CLN3: variants seen among roughly 807,000 people sequenced by gnomAD.
The protein encoded by CLN3 is CLN3 lysosomal/endosomal transmembrane protein, battenin.
A neutral mutation model predicts 60.7 loss-of-function variants in CLN3; 49 were observed. That is an observed-to-expected ratio of 0.81 (90% confidence interval 0.64 to 1.02). The LOEUF (loss-of-function observed/expected upper bound fraction) is 1.02. CLN3 is among the 50% of genes least tolerant of loss of function. CLN3 has a pLI of 0.00. For missense variants in CLN3, 516 were observed against 557.4 expected, an observed-to-expected ratio of 0.93 and a Z score of 0.75; for synonymous variants, 256 against 245.8, an observed-to-expected ratio of 1.04 and a Z score of -0.39.
rs761453819 is a variant in CLN3 at position 28,491,499 on chromosome 16, C to T, written c.108G>A (p.Lys36=). 4 of 1,613,710 alleles carry T rather than the reference C, an allele frequency of 2.5e-6. No homozygotes were observed. The East Asian group carries it at 6.7e-5, about 27-fold the overall frequency. ...CCACTCACCAGAAGCCCACCGCGTT[C>T]TTCCAATGCGCGCCCTGATGGTCCA... ...PLLDHQGAHW[K]NAVGFWLLGL... The change falls in exon 3 of 16, where the codon AAG becomes AAA. Residue 36 remains lysine, a synonymous_variant. Transcript: ENST00000636147.
rs756062000 is a variant in CLN3, at chr16:28,491,752, C to T, written c.8G>A (p.Gly3Asp). MG[G>D]CAGSRRRFSD... is the part of the protein sequence containing the mutation. ...AAAGCGCCGCCGCGAGCCTGCACAG[C>T]CTCCCATCGCATCAAGTTCAGGTCC... The change falls in exon 2 of 16, where the codon GGC becomes GAC. Residue 3 changes from glycine to aspartate, a missense_variant. Coordinates refer to ENST00000636147, the MANE Select transcript of CLN3 (RefSeq NM_001042432.2). 3 of 1,613,948 alleles carry T rather than the reference C, an allele frequency of 1.9e-6. No individual in the cohort carries two copies. The highest frequency in any genetic ancestry group is 1.1e-5 in the South Asian group (1 of 91,074).
chr16:28,484,509 C>T lies in CLN3; in HGVS notation c.678-391G>A, dbSNP rs181124545. On this transcript the variant is annotated intron_variant, in intron 9 of 15. Transcript: ENST00000636147. Reference sequence around the variant, plus strand: ...GACTACAGGCACGTGCCACCAAGCCCGCCTCATATTTTCCATTTTTTGTAT... The same window carrying T: ...GACTACAGGCACGTGCCACCAAGCCTGCCTCATATTTTCCATTTTTTGTAT... The T allele has an allele frequency of 3.5e-4, 83 of 236,668 alleles. 1 individual carries two copies. In the East Asian group the frequency reaches 7.8e-3, roughly 22 times the overall value. 14.7% of individuals were successfully genotyped at this position (236,668 alleles called of 1,614,324 possible). A position where few individuals can be genotyped will look rare whatever the true frequency, so the allele number is the denominator to read the frequency against.
intron 9 of CLN3, chr16:28,484,775 C>T (rs1343452674): frequency 1.3e-5 from 2 of 152,296 alleles, no homozygotes; most frequent in Non-Finnish European, 2.9e-5. Flanking sequence ...AGAACTTCCT[C>T]GATTTTAGTC....
chr16:28,481,285 G>C (rs1461289795), intron 14 of CLN3, among the ~76,000 whole-genome samples: 1 of 151,876 alleles, frequency 6.6e-6, no homozygotes, highest in Non-Finnish European at 1.5e-5. Context: ...AATTTTTGTA[G>C]AGATGTGATT....
chr16:28,482,772 G>A, intron 10 of CLN3, 100 bp from the exon 11 acceptor site: 1 of 1,267,926 alleles, frequency 7.9e-7, no homozygotes, highest in Non-Finnish European at 1.1e-6. Flanking sequence ...ACGCAACAGT[G>A]GGAACTCACT....
downstream of CLN3, among the ~76,000 whole-genome samples, chr16:28,473,866 G>T (rs1286309574): frequency 1.3e-5 from 2 of 151,962 alleles, no homozygotes. Context: ...AGCATCATTA[G>T]TCACCAGGGA....
chr16:28,469,783 G>T, downstream of CLN3: 1 of 366,034 alleles, frequency 2.7e-6, no homozygotes, highest in Non-Finnish European at 5.2e-6. Context: ...TCAAGAGATG[G>T]AGACTATCCT....
At chr16:28,486,516 C>T in intron 8 of CLN3, 26 bp from the exon 9 acceptor site, 1 of 1,609,982 alleles carries the variant, frequency 6.2e-7, no homozygotes, top group Non-Finnish European at 8.5e-7. Flanking sequence ...CAGGAACATT[C>T]AGGAGGACCT....
intron 3 of CLN3, chr16:28,491,199 C>T: frequency 2.1e-6 from 1 of 466,286 alleles, no homozygotes; most frequent in Non-Finnish European, 3.8e-6. Flanking sequence ...TTAAAGTTTT[C>T]TTTTTAAAAA....
chr16:28,480,365 C>A (rs1044029213), intron 14 of CLN3, among the ~76,000 whole-genome samples: 1 of 150,832 alleles, frequency 6.6e-6, no homozygotes, highest in African/African-American at 2.4e-5. Context: ...AAAGTATAAT[C>A]TCTATTTCTG....
chr16:28,481,452 A>ACACACACACG (rs899235845), intron 14 of CLN3, among the ~76,000 whole-genome samples: 339 of 117,788 alleles, frequency 2.9e-3, no homozygotes, highest in African/African-American at 0.012. Context: ...ACACACACAC[A>ACACACACACG]CGCACACACA....
intron 14 of CLN3, 22 bp downstream of exon 14, chr16:28,482,083 G>T: frequency 6.3e-7 from 1 of 1,595,396 alleles, no homozygotes; most frequent in Non-Finnish European, 8.6e-7. Context: ...TGGGAGTGAA[G>T]TGAGGGGCAG....
chr16:28,491,332 T>C, intron 3 of CLN3, 150 bp downstream of exon 3: 1 of 1,134,800 alleles, frequency 8.8e-7, no homozygotes, highest in Non-Finnish European at 1.3e-6. Flanking sequence ...TTTGGAAATT[T>C]TACATGCTGC....
Position 28,486,199 on chromosome 16 carries a change from T to C in CLN3, c.677+148A>G, listed in dbSNP as rs2046213770. On this transcript the variant is annotated intron_variant, in intron 9 of 15. Transcript: ENST00000636147. The stretch of plus-strand genomic sequence containing the variant: ...TTTTAGTAGAGACGGGGTTTCACCA[T>C]GTTGGCCAGGCTGGTTTCCTGACCT... 6 of 973,288 alleles carry C rather than the reference T, an allele frequency of 6.2e-6. No homozygotes were observed. The Admixed American group carries it at 9.7e-5, about 16-fold the overall frequency. 60.3% of individuals were successfully genotyped at this position (973,288 alleles called of 1,614,324 possible). A position where few individuals can be genotyped will look rare whatever the true frequency, so the allele number is the denominator to read the frequency against.
intron 9 of CLN3, 89 bp from the exon 10 acceptor site, chr16:28,484,207 C>T: frequency 1.1e-6 from 1 of 906,166 alleles, no homozygotes; most frequent in South Asian, 1.4e-5. Flanking sequence ...CAGGGAACAC[C>T]TCTACCTTTG....
chr16:28,484,515 A>G (rs1022471976), intron 9 of CLN3: 2 of 234,798 alleles, frequency 8.5e-6, no homozygotes, highest in South Asian at 5.5e-5. Context: ...AGCCCGCCTC[A>G]TATTTTCCAT....
intron 3 of CLN3, among the ~76,000 whole-genome samples, chr16:28,490,664 G>A (rs1450794848): frequency 2.8e-5 from 4 of 145,320 alleles, no homozygotes; most frequent in Non-Finnish European, 6.0e-5. Flanking sequence ...GGAGGCTGAG[G>A]CAAAAGAATG....
chr16:28,482,562 A>G lies in CLN3; in HGVS notation c.838-17T>C. On this transcript the variant is annotated splice_polypyrimidine_tract_variant and intron_variant, in intron 11 of 15. Transcript: ENST00000636147. ...CAGCAGACCCTGGAAAAGGCAGAAGATATAAGCGGGGGGCCTGGAGGTGAG... is the reference window on the plus strand; with the variant it reads ...CAGCAGACCCTGGAAAAGGCAGAAGGTATAAGCGGGGGGCCTGGAGGTGAG... 4 of 1,614,134 alleles carry G rather than the reference A, an allele frequency of 2.5e-6. No individual in the cohort carries two copies. The highest frequency in any genetic ancestry group is 3.4e-6 in the Non-Finnish European group (4 of 1,180,022).
In CLN3 at chr16:28,481,974, G is replaced by T. The variant is rs1425903642; in HGVS notation, c.1056+131C>A. On this transcript the variant is annotated intron_variant, in intron 14 of 15. Transcript: ENST00000636147. ...TGCACTCCAGCCTGGACGACAGAGCGAGACTCTGTCTCAAAAAAAAAAAAA... is the reference window on the plus strand; with the variant it reads ...TGCACTCCAGCCTGGACGACAGAGCTAGACTCTGTCTCAAAAAAAAAAAAA... The T allele has an allele frequency of 4.6e-6, 3 of 651,316 alleles. No individual in the cohort carries two copies. In the African/African-American group the frequency reaches 5.7e-5, roughly 12 times the overall value. The allele number at this position is 651,316 out of a possible 1,614,324, so 40.3% of individuals were successfully genotyped here.
Sources: gnomAD v4.1 joint callset for allele counts (sites outside exome capture counted in the v4.1 genomes callset) on GRCh38, gnomAD v4.1.1 for gene constraint, MANE v1.5 for transcripts, NCBI Gene and HGNC (gene_info 2026-07-23, HGNC 2026-07-21) for gene names.